SOX5: variants seen among roughly 807,000 people sequenced by gnomAD.
The protein encoded by SOX5 is transcription factor SOX-5.
In SOX5, 9 loss-of-function variants were observed where a neutral mutation model predicts 92.0. The ratio of observed to expected loss-of-function variants is 0.10; its 90% CI spans 0.06 to 0.17. The LOEUF is 0.17. Ranked by LOEUF, SOX5 falls within the 10% of genes least tolerant of loss-of-function variation. The pLI is 1.00. For missense variants in SOX5, 642 were observed against 944.5 expected (o/e 0.68, Z 4.20); for synonymous variants, 344 against 336.3 (o/e 1.02, Z -0.25).
rs116747314 is a variant in SOX5 at position 23,989,060 on chromosome 12, A to G, written c.-1-93036T>C. ...AGAATATTTCTGAGTGATGATAAGG[A>G]AGGAAGTTTCGTCATGTGAATAAGT... On this transcript the variant is annotated intron_variant, in intron 4 of 4. Transcript: ENST00000446891. Among the ~76,000 whole-genome samples the G allele has an allele frequency of 3.7e-3, 564 of 152,008 alleles. 6 individuals carry two copies. Among genetic ancestry groups the G allele is most frequent in the African/African-American group, 0.013 (537 of 41,470 alleles).
intron 4 of SOX5, among the ~76,000 whole-genome samples, chr12:24,139,724 G>A (rs1424029427): frequency 6.6e-6 from 1 of 152,090 alleles, no homozygotes; most frequent in Non-Finnish European, 1.5e-5. Context: ...TTAAAAATTG[G>A]AGCATTTTAA....
intron 13 of SOX5, among the ~76,000 whole-genome samples, chr12:23,539,027 A>G (rs112605194): frequency 0.18 from 26,927 of 151,118 alleles, 2,784 homozygotes; most frequent in East Asian, 0.34. Flanking sequence ...GGATGGTGTC[A>G]ATCTCCTGAT....
intron 4 of SOX5, among the ~76,000 whole-genome samples, chr12:24,130,884 T>C (rs1229070073): frequency 6.6e-6 from 1 of 152,212 alleles, no homozygotes; most frequent in African/African-American, 2.4e-5. Flanking sequence ...ATTTCTATTC[T>C]ACATACCAGC....
At chr12:23,903,584 A>G (rs930867159) in intron 1 of SOX5, among the ~76,000 whole-genome samples, 5 of 152,196 alleles carry the variant, frequency 3.3e-5, no homozygotes, top group African/African-American at 1.2e-4. Context: ...CCCTGTCTCA[A>G]AAAAAACTCT....
chr12:23,542,128 A>C (rs1383800726), intron 13 of SOX5, among the ~76,000 whole-genome samples: 2 of 152,206 alleles, frequency 1.3e-5, no homozygotes, highest in Non-Finnish European at 2.9e-5. Flanking sequence ...AACCTCATGC[A>C]TATGTTTGCC....
At chr12:24,553,554 T>A (rs1434737073) in intron 1 of SOX5, among the ~76,000 whole-genome samples, 1 of 152,236 alleles carries the variant, frequency 6.6e-6, no homozygotes, top group African/African-American at 2.4e-5. Context: ...CTGCTAGGAC[T>A]ACAATTCAAT....
intron 6 of SOX5, among the ~76,000 whole-genome samples, chr12:23,667,199 T>A (rs2083957293): frequency 6.6e-6 from 1 of 152,074 alleles, no homozygotes; most frequent in Admixed American, 6.6e-5. Context: ...TGACACCAAA[T>A]TACAAAGCAT....
chr12:23,979,942 T>TAGACAGACAGACAGAC (rs1419855577), intron 4 of SOX5, among the ~76,000 whole-genome samples: 2 of 89,344 alleles, frequency 2.2e-5, no homozygotes, highest in South Asian at 7.0e-4. Context: ...GACAGATAGA[T>TAGACAGACAGACAGAC]AGATAGATAG....
At chr12:24,329,086 C>A (rs1788840805) in intron 2 of SOX5, among the ~76,000 whole-genome samples, 1 of 152,104 alleles carries the variant, frequency 6.6e-6, no homozygotes, top group South Asian at 2.1e-4. Flanking sequence ...GCTTATAGGT[C>A]ATATACTAAA....
At chr12:23,815,069 G>A (rs2095960983) in intron 3 of SOX5, among the ~76,000 whole-genome samples, 1 of 152,110 alleles carries the variant, frequency 6.6e-6, no homozygotes, top group African/African-American at 2.4e-5. Context: ...AAATCTTTAT[G>A]GAAGGGCCAA....
intron 3 of SOX5, among the ~76,000 whole-genome samples, chr12:23,845,775 T>C (rs1451443629): frequency 1.3e-5 from 2 of 152,118 alleles, no homozygotes; most frequent in Non-Finnish European, 2.9e-5. Flanking sequence ...GAAAATAACA[T>C]CACAACATAA....
intron 9 of SOX5, among the ~76,000 whole-genome samples, chr12:23,596,189 T>C (rs1323833678): frequency 6.6e-6 from 1 of 152,214 alleles, no homozygotes; most frequent in Non-Finnish European, 1.5e-5. Flanking sequence ...TACATGTCTA[T>C]TTTCCAACCC....
chr12:24,045,319 T>C (rs1230303183), intron 4 of SOX5, among the ~76,000 whole-genome samples: 1 of 152,224 alleles, frequency 6.6e-6, no homozygotes, highest in Non-Finnish European at 1.5e-5. Context: ...TTGAAGTAAC[T>C]TTAAATAGCA....
intron 13 of SOX5, among the ~76,000 whole-genome samples, chr12:23,541,634 C>T (rs959559728): frequency 1.3e-5 from 2 of 152,152 alleles, no homozygotes; most frequent in African/African-American, 4.8e-5. Context: ...TATATTTTTA[C>T]ACACAGATTT....
At chr12:24,315,178 T>C (rs868595635) in intron 2 of SOX5, among the ~76,000 whole-genome samples, 10 of 152,196 alleles carry the variant, frequency 6.6e-5, no homozygotes, top group African/African-American at 2.4e-4. Flanking sequence ...ATCTTTCTTT[T>C]ATTTTAACTC....
intron 4 of SOX5, among the ~76,000 whole-genome samples, chr12:23,978,583 T>A (rs775962270): frequency 3.3e-5 from 5 of 152,160 alleles, no homozygotes; most frequent in African/African-American, 4.8e-5. Context: ...AGAAATAATG[T>A]GAAATATTTG....
chr12:23,697,676 G>C (rs755238086), intron 6 of SOX5, among the ~76,000 whole-genome samples: 1 of 151,960 alleles, frequency 6.6e-6, no homozygotes, highest in Non-Finnish European at 1.5e-5. Context: ...TCAGCCTCAC[G>C]AGCAGCTGGG....
intron 4 of SOX5, among the ~76,000 whole-genome samples, chr12:24,096,489 T>A (rs1291857789): frequency 6.6e-6 from 1 of 152,172 alleles, no homozygotes. Context: ...AAAACCACCA[T>A]TCTACTTCCT....
intron 4 of SOX5, chr12:24,213,258 G>T (rs1186020387): frequency 6.6e-6 from 1 of 151,864 alleles, no homozygotes; most frequent in Admixed American, 6.6e-5. Flanking sequence ...GCACATGGAA[G>T]AAATAAGCAA....
Sources: allele counts gnomAD v4.1 joint callset (sites outside exome capture counted in the v4.1 genomes callset), GRCh38; gene constraint gnomAD v4.1.1; transcripts MANE v1.5; gene names NCBI Gene and HGNC (gene_info 2026-07-23, HGNC 2026-07-21).